The following NAV3 variants were observed in gnomAD, a reference collection of about 807,000 sequenced individuals.
NAV3 encodes the protein neuron navigator 3.
NAV3 carries 87 observed loss-of-function variants against 244.7 expected under a neutral mutation model. That is an observed-to-expected ratio of 0.36 (90% CI 0.30 to 0.42). The LOEUF is 0.42. Among genes scored for constraint, NAV3 ranks in the 20% least tolerant of loss-of-function variants. The pLI is 1.00. For synonymous variants in NAV3, 1,126 were observed against 1,042.2 expected, an observed-to-expected ratio of 1.08 and a Z score of -1.55; for missense variants, 2,663 against 2,893.3, an observed-to-expected ratio of 0.92 and a Z score of 1.83.
intron 1 of NAV3, among the ~76,000 whole-genome samples, chr12:77,850,580 T>A (rs536526081): frequency 6.6e-6 from 1 of 152,226 alleles, no homozygotes; most frequent in Non-Finnish European, 1.5e-5. Context: ...TAAATTAAGC[T>A]ATTTTCTTTT....
At chr12:78,096,895 CCT>C (rs1954281780) in intron 12 of NAV3, among the ~76,000 whole-genome samples, 1 of 152,190 alleles carries the variant, frequency 6.6e-6, no homozygotes, top group South Asian at 2.1e-4. Context: ...GACTCAGTGA[CCT>C]CTCTCTGCCT....
intron 18 of NAV3, among the ~76,000 whole-genome samples, chr12:78,135,620 G>A (rs1956341251): frequency 6.6e-6 from 1 of 152,120 alleles, no homozygotes; most frequent in East Asian, 1.9e-4. Context: ...TTAAACAAGA[G>A]TAAATTCATA....
intron 3 of NAV3, among the ~76,000 whole-genome samples, chr12:77,945,425 A>G (rs1890245703): frequency 6.6e-6 from 1 of 152,202 alleles, no homozygotes; most frequent in Admixed American, 6.6e-5. Flanking sequence ...TTGTATAAAC[A>G]CAAATCTCTA....
intron 2 of NAV3, among the ~76,000 whole-genome samples, chr12:77,690,564 G>C (rs1002542840): frequency 6.6e-6 from 1 of 150,962 alleles, no homozygotes; most frequent in African/African-American, 2.4e-5. Context: ...ACTGTAAATG[G>C]GGCAATATAA....
At chr12:77,836,119 C>T (rs755279409) in intron 1 of NAV3, among the ~76,000 whole-genome samples, 8 of 152,188 alleles carry the variant, frequency 5.3e-5, no homozygotes, top group Admixed American at 1.3e-4. Flanking sequence ...GGCATACACC[C>T]AAATGAAGAA....
intron 2 of NAV3, among the ~76,000 whole-genome samples, chr12:77,674,115 T>C (rs138113445): frequency 1.0e-3 from 154 of 152,310 alleles, no homozygotes; most frequent in African/African-American, 3.6e-3. Context: ...AGAGCCATAA[T>C]ATCAATGTTT....
chr12:77,993,534 T>C (rs1242371939), intron 5 of NAV3, among the ~76,000 whole-genome samples: 2 of 152,120 alleles, frequency 1.3e-5, no homozygotes, highest in Non-Finnish European at 2.9e-5. Context: ...AAATAACAAT[T>C]TATCACATGC....
intron 1 of NAV3, among the ~76,000 whole-genome samples, chr12:77,925,000 A>G (rs1333345947): frequency 6.6e-6 from 1 of 151,960 alleles, no homozygotes; most frequent in Admixed American, 6.6e-5. Context: ...TGGAACTTGG[A>G]AGAAAGCCCA....
chr12:77,809,747 AT>A (rs1872189193), intron 2 of NAV3, among the ~76,000 whole-genome samples: 1 of 152,170 alleles, frequency 6.6e-6, no homozygotes, highest in Admixed American at 6.5e-5. Context: ...TATGTTGTTT[AT>A]TTCTTATATT....
At chr12:77,966,563 TGTTATTACTA>T (rs540758817) in intron 4 of NAV3, among the ~76,000 whole-genome samples, 1 of 152,126 alleles carries the variant, frequency 6.6e-6, no homozygotes, top group Non-Finnish European at 1.5e-5. Context: ...AATATCTTTA[TGTTATTACTA>T]GTTTATAGTA....
chr12:77,912,165 G>T (rs1344583531), intron 1 of NAV3, among the ~76,000 whole-genome samples: 1 of 152,122 alleles, frequency 6.6e-6, no homozygotes, highest in Non-Finnish European at 1.5e-5. Flanking sequence ...ATCACCACCT[G>T]TGAATGTGAC....
intron 2 of NAV3, among the ~76,000 whole-genome samples, chr12:77,627,416 G>A (rs1871683776): frequency 6.6e-6 from 1 of 152,136 alleles, no homozygotes. Context: ...AGTAGAAAAT[G>A]TAAAAGGACG....
chr12:77,802,036 C>A (rs1407937311), intron 2 of NAV3, among the ~76,000 whole-genome samples: 1 of 152,024 alleles, frequency 6.6e-6, no homozygotes, highest in African/African-American at 2.4e-5. Context: ...CTCTTAGGGG[C>A]CCCATTTTGA....
intron 4 of NAV3, among the ~76,000 whole-genome samples, chr12:77,966,510 T>G (rs1056558095): frequency 2.0e-5 from 3 of 152,138 alleles, no homozygotes; most frequent in Admixed American, 6.6e-5. Context: ...GCCAGAACTG[T>G]TCTTTTCTTA....
At chr12:77,909,697 T>G (rs981095191) in intron 1 of NAV3, among the ~76,000 whole-genome samples, 1 of 152,068 alleles carries the variant, frequency 6.6e-6, no homozygotes, top group Admixed American at 6.6e-5. Context: ...ATTTATGACT[T>G]TCTTGTATAA....
chr12:77,893,255 A>T (rs997376817), intron 1 of NAV3, among the ~76,000 whole-genome samples: 1 of 152,212 alleles, frequency 6.6e-6, no homozygotes, highest in African/African-American at 2.4e-5. Context: ...TTATGCTGTA[A>T]ATTTTCTAAT....
intron 2 of NAV3, among the ~76,000 whole-genome samples, chr12:77,717,745 C>T (rs1230200913): frequency 1.3e-5 from 2 of 151,934 alleles, no homozygotes; most frequent in Non-Finnish European, 1.5e-5. Flanking sequence ...TTTTCTACAT[C>T]CTTACCAATA....
intron 8 of NAV3, among the ~76,000 whole-genome samples, chr12:78,008,973 C>T (rs1874743166): frequency 6.6e-6 from 1 of 152,102 alleles, no homozygotes; most frequent in Non-Finnish European, 1.5e-5. Context: ...TTTTGGATTA[C>T]AAATATATTC....
intron 23 of NAV3, among the ~76,000 whole-genome samples, chr12:78,167,897 A>C (rs1957845667): frequency 6.6e-6 from 1 of 151,604 alleles, no homozygotes. Context: ...GAGTTATTTT[A>C]TCTTCCAAAA....
Sources: gnomAD v4.1 joint callset for allele counts (sites outside exome capture counted in the v4.1 genomes callset) on GRCh38, gnomAD v4.1.1 for gene constraint, MANE v1.5 for transcripts, NCBI Gene and HGNC (gene_info 2026-07-23, HGNC 2026-07-21) for gene names.